CBFB: variants seen among roughly 807,000 people sequenced by gnomAD.
The protein encoded by CBFB is core-binding factor subunit beta, also known as CBF-beta.
In CBFB, 9 loss-of-function variants were observed where a neutral mutation model predicts 30.4. The ratio of observed to expected loss-of-function variants is 0.30; its 90% CI spans 0.18 to 0.52. CBFB has a LOEUF of 0.52. CBFB is among the 20% of genes least tolerant of loss of function. CBFB has a pLI of 0.97. For missense variants in CBFB, 170 were observed against 244.0 expected, an observed-to-expected ratio of 0.70 and a Z score of 2.02; for synonymous variants, 94 against 84.0, an observed-to-expected ratio of 1.12 and a Z score of -0.65.
intron 3 of CBFB, among the ~76,000 whole-genome samples, chr16:67,066,334 G>A (rs888416870): frequency 5.5e-5 from 8 of 144,912 alleles, no homozygotes; most frequent in African/African-American, 2.1e-4. Context: ...GATTGCCTGA[G>A]CTCAGGAGTT....
At chr16:67,039,484 G>A (rs1330351873) in intron 3 of CBFB, among the ~76,000 whole-genome samples, 1 of 152,074 alleles carries the variant, frequency 6.6e-6, no homozygotes, top group East Asian at 1.9e-4. Context: ...TAAAAATTAA[G>A]CAATTGCACT....
At chr16:67,031,374 A>G (rs2145705450) in intron 2 of CBFB, among the ~76,000 whole-genome samples, 1 of 152,368 alleles carries the variant, frequency 6.6e-6, no homozygotes, top group Middle Eastern at 3.4e-3. Context: ...AGAATTCATT[A>G]GCTGGTGCGA....
chr16:67,040,530 A>G (rs555611542), intron 3 of CBFB, among the ~76,000 whole-genome samples: 3 of 152,306 alleles, frequency 2.0e-5, no homozygotes, highest in African/African-American at 7.2e-5. Flanking sequence ...AGTAACTGAA[A>G]TAGTGTATGT....
chr16:67,099,414 T>TCA lies in CBFB; in HGVS notation c.*637_*638insAC, dbSNP rs1288835785. 4.6e-6 allele frequency: 1 copy of TCA among 216,196 alleles called. No homozygotes were observed. The highest frequency in any genetic ancestry group is 2.3e-5 in the African/African-American group (1 of 44,374). 13.4% of individuals were successfully genotyped at this position (216,196 alleles called of 1,614,324 possible). ...CCTTTTAAATGCTAGTAATCAGCAC[T>TCA]CTTTCTTTTTTTTTTTTTTAATAGA... is the stretch of plus-strand genomic sequence containing the variant. On this transcript the variant is annotated 3_prime_UTR_variant, in exon 6 of 6. Coordinates refer to ENST00000412916, the MANE Select transcript of CBFB (RefSeq NM_022845.3).
chr16:67,066,391 T>TAAAAAAAAAAAA (rs1961054183), intron 3 of CBFB, among the ~76,000 whole-genome samples: 1 of 28,274 alleles, frequency 3.5e-5, no homozygotes, highest in African/African-American at 7.5e-4. Context: ...CTACTAAAAA[T>TAAAAAAAAAAAA]ACAAAAAAAA....
At chr16:67,075,562 G>A (rs1041671443) in intron 4 of CBFB, among the ~76,000 whole-genome samples, 1 of 152,240 alleles carries the variant, frequency 6.6e-6, no homozygotes, top group South Asian at 2.1e-4. Flanking sequence ...ATGTGTGTGT[G>A]TGTGTATATA....
chr16:67,088,271 A>G (rs908425199), intron 5 of CBFB, among the ~76,000 whole-genome samples: 3 of 152,100 alleles, frequency 2.0e-5, no homozygotes, highest in African/African-American at 7.2e-5. Context: ...AAAATTCCTA[A>G]TGTCACCTTA....
intron 4 of CBFB, 50 bp downstream of exon 4, chr16:67,066,848 T>C (rs750946866): frequency 9.4e-7 from 1 of 1,058,766 alleles, no homozygotes; most frequent in Non-Finnish European, 1.5e-6. Flanking sequence ...GTCCCTAATC[T>C]TGCCTTTGCC....
chr16:67,084,069 A>AAGC (rs1961644311), intron 5 of CBFB, among the ~76,000 whole-genome samples: 1 of 150,046 alleles, frequency 6.7e-6, no homozygotes, highest in African/African-American at 2.5e-5. Flanking sequence ...CAGGAGGCTG[A>AAGC]AGCAGGGGGA....
chr16:67,082,772 TATTC>T (rs1400320352), intron 5 of CBFB, among the ~76,000 whole-genome samples: 3 of 152,204 alleles, frequency 2.0e-5, no homozygotes, highest in African/African-American at 7.2e-5. Context: ...GAAAATTTAA[TATTC>T]AAACTATTCA....
intron 3 of CBFB, among the ~76,000 whole-genome samples, chr16:67,047,721 T>C (rs948812529): frequency 2.0e-5 from 3 of 152,144 alleles, no homozygotes; most frequent in Non-Finnish European, 4.4e-5. Flanking sequence ...TCACACCAGC[T>C]TTTTAGTCCT....
At chr16:67,063,003 C>T (rs2145746081) in intron 3 of CBFB, among the ~76,000 whole-genome samples, 1 of 152,152 alleles carries the variant, frequency 6.6e-6, no homozygotes, top group African/African-American at 2.4e-5. Flanking sequence ...GCTACTCCGT[C>T]CACCTGTTAG....
At chr16:67,052,413 A>G (rs926649923) in intron 3 of CBFB, among the ~76,000 whole-genome samples, 7 of 151,998 alleles carry the variant, frequency 4.6e-5, no homozygotes, top group Non-Finnish European at 7.4e-5. Context: ...TTAAAAAATA[A>G]AAACATTTTT....
intron 5 of CBFB, among the ~76,000 whole-genome samples, chr16:67,092,762 G>C (rs1961934213): frequency 7.4e-6 from 1 of 135,318 alleles, no homozygotes; most frequent in South Asian, 2.4e-4. Context: ...GCCCAGGCTG[G>C]AGTGCAGTGG....
chr16:67,059,475 A>G (rs558803780), intron 3 of CBFB, among the ~76,000 whole-genome samples: 7 of 152,330 alleles, frequency 4.6e-5, no homozygotes, highest in African/African-American at 1.7e-4. Flanking sequence ...AGTGGACTTC[A>G]TTAGAAAAAT....
intron 3 of CBFB, among the ~76,000 whole-genome samples, chr16:67,039,920 A>G (rs1344774808): frequency 6.6e-6 from 1 of 152,148 alleles, no homozygotes; most frequent in Non-Finnish European, 1.5e-5. Context: ...TAAATCTGTA[A>G]ATGTTTATGC....
At chr16:67,070,256 C>G (rs969891546) in intron 4 of CBFB, among the ~76,000 whole-genome samples, 2 of 152,146 alleles carry the variant, frequency 1.3e-5, no homozygotes, top group African/African-American at 4.8e-5. Context: ...TGGTCTGGCC[C>G]AGGCCATCCC....
At chr16:67,077,890 T>G (rs1426999106) in intron 4 of CBFB, among the ~76,000 whole-genome samples, 9 of 152,174 alleles carry the variant, frequency 5.9e-5, no homozygotes, top group African/African-American at 2.2e-4. Flanking sequence ...CCACATGGAT[T>G]TAATTTACAC....
At chr16:67,070,799 C>T (rs944724572) in intron 4 of CBFB, among the ~76,000 whole-genome samples, 2 of 151,570 alleles carry the variant, frequency 1.3e-5, no homozygotes, top group Non-Finnish European at 2.9e-5. Flanking sequence ...TGCAATGAGC[C>T]GAGATCACAC....
Sources: allele counts gnomAD v4.1 joint callset (sites outside exome capture counted in the v4.1 genomes callset), GRCh38; gene constraint gnomAD v4.1.1; transcripts MANE v1.5; gene names NCBI Gene and HGNC (gene_info 2026-07-23, HGNC 2026-07-21).